The following ARHGEF16 variants were observed in gnomAD, a reference collection of about 807,000 sequenced individuals.
The protein encoded by ARHGEF16 is Rho guanine nucleotide exchange factor 16.
A neutral mutation model predicts 74.1 loss-of-function variants in ARHGEF16; 59 were observed. The ratio of observed to expected loss-of-function variants is 0.80; its 90% CI spans 0.65 to 0.99. The LOEUF (loss-of-function observed/expected upper bound fraction) is 0.99. Ranked by LOEUF, ARHGEF16 falls within the 50% of genes least tolerant of loss-of-function variation. The pLI is 0.00. For synonymous variants in ARHGEF16, 415 were observed against 412.6 expected, an observed-to-expected ratio of 1.01 and a Z score of -0.07; for missense variants, 948 against 986.6, an observed-to-expected ratio of 0.96 and a Z score of 0.52.
intron 2 of ARHGEF16, among the ~76,000 whole-genome samples, chr1:3,465,443 C>T (rs1288052258): frequency 1.4e-5 from 2 of 141,152 alleles, no homozygotes; most frequent in South Asian, 2.2e-4. Flanking sequence ...ACCTGGAGGC[C>T]GAAGGGGGGC....
intron 10 of ARHGEF16, among the ~76,000 whole-genome samples, chr1:3,476,307 G>GCCCCAT (rs1346912613): frequency 6.6e-6 from 1 of 152,152 alleles, no homozygotes; most frequent in Non-Finnish European, 1.5e-5. Flanking sequence ...TGTGGCCCTT[G>GCCCCAT]CCCCATCCCC....
Position 3,463,435 on chromosome 1 carries a change from C to T in ARHGEF16, c.351C>T (p.Ala117=), listed in dbSNP as rs527744298. ...GGGCGGCTGTACTTAGCAGGGAGGC[C>T]GCCCGGCGGGACCCTAAGCTCCTCC... ...SFGAAVLSRE[A]ARRDPKLLPA... The change falls in exon 2 of 15, where the codon GCC becomes GCT. Residue 117 remains alanine, a synonymous_variant. Transcript: ENST00000378378. The T allele has an allele frequency of 2.5e-5, 39 of 1,545,570 alleles. No homozygotes were observed. The highest frequency in any genetic ancestry group is 1.4e-4 in the African/African-American group (10 of 72,852).
chr1:3,473,605 G>C (rs762738089), intron 8 of ARHGEF16, 83 bp downstream of exon 8: 10 of 1,581,500 alleles, frequency 6.3e-6, no homozygotes, highest in Non-Finnish European at 8.6e-7. Flanking sequence ...GGAGCATTAC[G>C]TGCTTGTGAC....
chr1:3,456,282 G>A (rs1639262593), intron 1 of ARHGEF16, among the ~76,000 whole-genome samples: 2 of 152,258 alleles, frequency 1.3e-5, no homozygotes, highest in African/African-American at 4.8e-5. Flanking sequence ...GGTCCCCACA[G>A]CTCACATGTG....
At chr1:3,457,775 C>A (rs922405066) in intron 1 of ARHGEF16, among the ~76,000 whole-genome samples, 1 of 152,192 alleles carries the variant, frequency 6.6e-6, no homozygotes, top group African/African-American at 2.4e-5. Context: ...CCATGGATTC[C>A]GCCTGCTCGC....
intron 1 of ARHGEF16, among the ~76,000 whole-genome samples, chr1:3,462,032 AG>A (rs756773697): frequency 2.7e-5 from 4 of 146,542 alleles, no homozygotes; most frequent in African/African-American, 5.1e-5. Context: ...CGGACCATGA[AG>A]GGAACAGTGG....
intron 6 of ARHGEF16, among the ~76,000 whole-genome samples, chr1:3,472,444 C>T (rs552790771): frequency 7.2e-5 from 11 of 152,248 alleles, no homozygotes; most frequent in Non-Finnish European, 1.3e-4. Flanking sequence ...CAGCTGGCCC[C>T]CCCCCGGCCT....
At chr1:3,471,405 G>T (rs979862205) in intron 6 of ARHGEF16, among the ~76,000 whole-genome samples, 2 of 152,096 alleles carry the variant, frequency 1.3e-5, no homozygotes, top group Admixed American at 6.5e-5. Flanking sequence ...TGCCTGTGGG[G>T]TGCCCTTGCG....
chr1:3,472,967 C>T (rs1191786285), intron 6 of ARHGEF16, 111 bp from the exon 7 acceptor site: 18 of 1,287,080 alleles, frequency 1.4e-5, no homozygotes, highest in Non-Finnish European at 1.8e-5. Context: ...AGCTCAGCTC[C>T]TGCCACGTCC....
intron 1 of ARHGEF16, among the ~76,000 whole-genome samples, chr1:3,455,089 C>T (rs1358856514): frequency 6.6e-6 from 1 of 151,964 alleles, no homozygotes; most frequent in Non-Finnish European, 1.5e-5. Flanking sequence ...CGCCCGCTCG[C>T]TCGCTGCCCT....
chr1:3,471,666 C>T (rs752764033), intron 6 of ARHGEF16: 3 of 1,236,238 alleles, frequency 2.4e-6, no homozygotes, highest in South Asian at 1.4e-5. Flanking sequence ...GCATGTTTGC[C>T]TCTGACCTCC....
At chr1:3,477,550 C>T (rs373383693) in intron 10 of ARHGEF16, among the ~76,000 whole-genome samples, 14 of 151,252 alleles carry the variant, frequency 9.3e-5, no homozygotes, top group African/African-American at 2.9e-4. Context: ...GTAATTGCCA[C>T]GGAGGGGTGA....
chr1:3,466,356 A>G (rs1211742480), intron 3 of ARHGEF16, among the ~76,000 whole-genome samples, 163 bp downstream of exon 3: 2 of 152,002 alleles, frequency 1.3e-5, no homozygotes, highest in East Asian at 1.9e-4. Context: ...TGGTCTGTTC[A>G]TGTAGCCCTG....
At chr1:3,468,625 T>C in intron 4 of ARHGEF16, 1 of 528,366 alleles carries the variant, frequency 1.9e-6, no homozygotes, top group Non-Finnish European at 3.4e-6. Flanking sequence ...GGATGCCCCA[T>C]GCTCTTTCTG....
intron 10 of ARHGEF16, among the ~76,000 whole-genome samples, chr1:3,476,542 T>C (rs1295404544): frequency 6.6e-6 from 1 of 152,058 alleles, no homozygotes; most frequent in Non-Finnish European, 1.5e-5. Context: ...GTGAAATATT[T>C]CCAGCCCAGG....
chr1:3,455,410 C>A (rs1304819744), intron 1 of ARHGEF16, among the ~76,000 whole-genome samples: 1 of 152,136 alleles, frequency 6.6e-6, no homozygotes, highest in Non-Finnish European at 1.5e-5. Context: ...TGCTTTGTCT[C>A]CCCTGAGAAG....
intron 1 of ARHGEF16, among the ~76,000 whole-genome samples, chr1:3,460,751 G>A (rs1340932021): frequency 6.6e-6 from 1 of 152,180 alleles, no homozygotes; most frequent in African/African-American, 2.4e-5. Context: ...CAGCCCCGGG[G>A]GAGGCCTGTT....
chr1:3,473,208 C>T lies in ARHGEF16; in HGVS notation c.1153C>T (p.Gln385Ter), dbSNP rs1345874445. 1 of 1,613,250 alleles carries T rather than the reference C, an allele frequency of 6.2e-7. No individual in the cohort carries two copies. Among genetic ancestry groups the T allele is most frequent in the East Asian group, 2.2e-5 (1 of 44,884 alleles). Residue 385 changes from glutamine to a stop codon, truncating the protein, a stop_gained, in exon 7 of 15, where the codon CAG (glutamine) becomes TAG (stop). Coordinates refer to ENST00000378378, the MANE Select transcript of ARHGEF16 (RefSeq NM_014448.4). LOFTEE classifies it high-confidence loss of function. The part of the protein sequence containing the change: ...IAYCSNEVYQ[Q>*]RTLQKLISSN... The stretch of plus-strand genomic sequence containing the variant: ...CTACTGCTCCAACGAGGTCTACCAA[C>T]AGCGCACGCTGCAGAAGCTGATGTG...
chr1:3,459,514 A>G (rs1226595143), intron 1 of ARHGEF16, among the ~76,000 whole-genome samples: 1 of 152,118 alleles, frequency 6.6e-6, no homozygotes, highest in East Asian at 1.9e-4. Flanking sequence ...CCTTCAGGGC[A>G]ATGAGGGCCG....
Sources: allele counts gnomAD v4.1 joint callset (sites outside exome capture counted in the v4.1 genomes callset), GRCh38; gene constraint gnomAD v4.1.1; transcripts MANE v1.5; gene names NCBI Gene and HGNC (gene_info 2026-07-23, HGNC 2026-07-21).